The following IRAG2 variants were observed in gnomAD, a reference collection of about 807,000 sequenced individuals.
The protein encoded by IRAG2 is lymphoid restricted membrane protein.
In IRAG2, 45 loss-of-function variants were observed where a neutral mutation model predicts 69.9. That is an observed-to-expected ratio of 0.64 (90% CI 0.51 to 0.83). The LOEUF (loss-of-function observed/expected upper bound fraction) is 0.83, where lower values mean the gene tolerates loss of function less well. Among genes scored for constraint, IRAG2 ranks in the 40% least tolerant of loss-of-function variants. The pLI is 0.00. For missense variants in IRAG2, 520 were observed against 587.0 expected (o/e 0.89, Z 1.18); for synonymous variants, 193 against 202.4 (o/e 0.95, Z 0.40).
chr12:25,083,319 C>T, intron 9 of IRAG2, 104 bp from the exon 10 acceptor site: 2 of 776,772 alleles, frequency 2.6e-6, no homozygotes, highest in East Asian at 2.4e-5. Flanking sequence ...ATGTTAAGAC[C>T]TTTGTCAGTT....
intron 15 of IRAG2, chr12:25,100,892 T>C (rs1413484558): frequency 4.4e-6 from 1 of 226,130 alleles, no homozygotes; most frequent in Non-Finnish European, 8.5e-6. Flanking sequence ...TCAACCTTAC[T>C]GAGGTGCAGT....
intron 1 of IRAG2, among the ~76,000 whole-genome samples, chr12:25,059,840 A>G (rs1223500440): frequency 6.6e-6 from 1 of 152,216 alleles, no homozygotes; most frequent in African/African-American, 2.4e-5. Context: ...TACATAATTG[A>G]AGCTTTTAGA....
intron 14 of IRAG2, among the ~76,000 whole-genome samples, chr12:25,090,648 G>C (rs532944645): frequency 6.6e-6 from 1 of 152,116 alleles, no homozygotes; most frequent in Non-Finnish European, 1.5e-5. Flanking sequence ...CCAGTACCAG[G>C]TGCCAAGCTC....
chr12:25,102,390 ACT>A (rs1261845248), intron 17 of IRAG2, 149 bp downstream of exon 17: 7 of 633,978 alleles, frequency 1.1e-5, no homozygotes, highest in African/African-American at 1.8e-5. Flanking sequence ...ATGCTTTTAT[ACT>A]CTCTGCTATA....
chr12:25,006,222 A>G (rs1292907979), intron 2 of IRAG2: 1 of 152,186 alleles, frequency 6.6e-6, no homozygotes, highest in Non-Finnish European at 1.5e-5. Context: ...AAAAGTCAAA[A>G]ACCAACAGAT....
rs576713763 is a variant in IRAG2, at chr12:25,101,809, GT to G, written c.890-385del. Reference sequence around the variant, plus strand: ...TATCGTTTCTATAAATCTTACAATAGTTTTATTTAAAATAAACAATATGAAC... The same window carrying G: ...TATCGTTTCTATAAATCTTACAATAGTTTATTTAAAATAAACAATATGAAC... On this transcript the variant is annotated intron_variant, in intron 16 of 21. Coordinates refer to ENST00000556887, the MANE Select transcript of IRAG2 (RefSeq NM_001366544.2). 280 of 412,508 alleles carry G rather than the reference GT, an allele frequency of 6.8e-4. 4 individuals carry two copies. The highest frequency in any genetic ancestry group is 5.3e-3 in the South Asian group (272 of 51,458). The allele number at this position is 412,508 out of a possible 1,614,324, so 25.6% of individuals were successfully genotyped here.
At chr12:25,031,811 C>A (rs1277458719) in intron 10 of IRAG2, among the ~76,000 whole-genome samples, 1 of 152,110 alleles carries the variant, frequency 6.6e-6, no homozygotes, top group Non-Finnish European at 1.5e-5. Context: ...TACAGGCATG[C>A]GCCACCACAC....
At chr12:25,082,623 C>CAAACAAAACA (rs10674267) in intron 9 of IRAG2, among the ~76,000 whole-genome samples, 2 of 150,652 alleles carry the variant, frequency 1.3e-5, no homozygotes, top group South Asian at 2.1e-4. Context: ...AAAACAAAAA[C>CAAACAAAACA]AAACAAAACA....
At chr12:25,018,010 G>A (rs79233465) in intron 6 of IRAG2, among the ~76,000 whole-genome samples, 3,222 of 152,152 alleles carry the variant, frequency 0.021, 45 homozygotes, top group East Asian at 0.086. Context: ...ATGTTGTAGC[G>A]TGTATTTCTA....
chr12:25,106,731 TAGA>T (rs1026481086), intron 20 of IRAG2, among the ~76,000 whole-genome samples: 1 of 96,634 alleles, frequency 1.0e-5, no homozygotes, highest in African/African-American at 3.5e-5. Context: ...TTTTTCTAAA[TAGA>T]AGAACTTATT....
rs745417680 is a variant in IRAG2 at position 25,041,977 on chromosome 12, GTGTGTGTGTGTGTGTA to G, written c.2144+3846_2144+3861del. On this transcript the variant is annotated intron_variant, in intron 16 of 38. Coordinates refer to the IRAG2 transcript ENST00000636465. ...CAGCTGTGTGTGTGTGTGTGTGTGT[GTGTGTGTGTGTGTGTA>G]TGTGTATGTGTGTTTGTTTGTATAC... 8.4e-5 allele frequency among the ~76,000 whole-genome samples: 10 copies of G among 119,728 alleles called. 1 individual carries two copies. In the South Asian group the frequency reaches 1.6e-3, roughly 19 times the overall value. 78.5% of individuals were successfully genotyped at this position (119,728 alleles called of 152,430 possible). A position where few individuals can be genotyped will look rare whatever the true frequency, so the allele number is the denominator to read the frequency against.
At chr12:25,042,017 A>G (rs903879188) in intron 16 of IRAG2, among the ~76,000 whole-genome samples, 2 of 151,712 alleles carry the variant, frequency 1.3e-5, no homozygotes, top group Non-Finnish European at 2.9e-5. Context: ...TTGTTTGTAT[A>G]CTGAGTTGAA....
Position 25,069,445 on chromosome 12 carries a change from T to A in IRAG2, c.24+14T>A. ...CCAAGTATGGAAGTGAGTGTTGGAC[T>A]GGATTTTGGTTTCATTTTCAGTATT... is the stretch of plus-strand genomic sequence containing the variant. On this transcript the variant is annotated intron_variant, in intron 6 of 21. Coordinates refer to ENST00000556887, the MANE Select transcript of IRAG2 (RefSeq NM_001366544.2). 1 of 1,613,082 alleles carries A rather than the reference T, an allele frequency of 6.2e-7. No individual in the cohort carries two copies. The highest frequency in any genetic ancestry group is 8.5e-7 in the Non-Finnish European group (1 of 1,179,114).
Position 25,107,675 on chromosome 12 carries a change from A to G in IRAG2, c.1257-142A>G, listed in dbSNP as rs567362911. ...TGGGAGGCAGATTGTTTCCAAAACC[A>G]AAATGATAAATCATAATATGTAGAT... On this transcript the variant is annotated intron_variant, in intron 21 of 21. Transcript: ENST00000556887. 48 of 742,682 alleles carry G rather than the reference A, an allele frequency of 6.5e-5. No homozygotes were observed. The African/African-American group carries it at 7.9e-4, about 12-fold the overall frequency. The allele number at this position is 742,682 out of a possible 1,614,324, so 46.0% of individuals were successfully genotyped here.
intron 9 of IRAG2, among the ~76,000 whole-genome samples, chr12:25,027,031 C>T (rs1591929740): frequency 6.8e-6 from 1 of 147,004 alleles, no homozygotes; most frequent in African/African-American, 2.5e-5. Flanking sequence ...CCTTTTCCTT[C>T]TTTTTTTTTT....
At chr12:25,076,119 GA>G (rs909897199) in intron 6 of IRAG2, among the ~76,000 whole-genome samples, 1 of 151,394 alleles carries the variant, frequency 6.6e-6, no homozygotes, top group Non-Finnish European at 1.5e-5. Context: ...CTCACAAGAA[GA>G]AAAAAAAATT....
At chr12:25,097,764 T>G (rs1408866128) in intron 15 of IRAG2, among the ~76,000 whole-genome samples, 1 of 152,262 alleles carries the variant, frequency 6.6e-6, no homozygotes, top group Non-Finnish European at 1.5e-5. Flanking sequence ...GTTTCATTTT[T>G]ACTAAAGTTA....
At chr12:25,036,395 A>G (rs568589122) in intron 14 of IRAG2, among the ~76,000 whole-genome samples, 5 of 152,196 alleles carry the variant, frequency 3.3e-5, no homozygotes, top group Admixed American at 1.3e-4. Context: ...TGTATAGAGC[A>G]CCTGATGATA....
chr12:25,027,738 T>C (rs1253550835), intron 9 of IRAG2, among the ~76,000 whole-genome samples: 1 of 152,116 alleles, frequency 6.6e-6, no homozygotes, highest in Non-Finnish European at 1.5e-5. Context: ...TATATGGATA[T>C]ATCAAATTTT....
Sources: gnomAD v4.1 joint callset for allele counts (sites outside exome capture counted in the v4.1 genomes callset) on GRCh38, gnomAD v4.1.1 for gene constraint, MANE v1.5 for transcripts, NCBI Gene and HGNC (gene_info 2026-07-23, HGNC 2026-07-21) for gene names.